ZNF385D: variants seen among roughly 807,000 people sequenced by gnomAD.
ZNF385D encodes the protein zinc finger protein 659.
Under a neutral mutation model 35.8 loss-of-function variants are expected in ZNF385D, and 15 were observed. That is an observed-to-expected ratio of 0.42 (90% confidence interval 0.28 to 0.64). The LOEUF is 0.64. Among genes scored for constraint, ZNF385D ranks in the 30% least tolerant of loss-of-function variants. The probability of loss-of-function intolerance (pLI) is 0.23; values close to 1 mark genes in which losing one functional copy is unlikely to be tolerated. For synonymous variants in ZNF385D, 212 were observed against 186.8 expected (o/e 1.13, Z -1.10); for missense variants, 474 against 494.6 (o/e 0.96, Z 0.39).
chr3:22,045,424 G>A (rs968280120), intron 3 of ZNF385D, among the ~76,000 whole-genome samples: 5 of 152,148 alleles, frequency 3.3e-5, no homozygotes, highest in Non-Finnish European at 7.4e-5. Flanking sequence ...CTGAAGAAGA[G>A]AGGCTGGTCT....
chr3:22,192,378 C>G (rs1204758043), intron 2 of ZNF385D, among the ~76,000 whole-genome samples: 3 of 152,160 alleles, frequency 2.0e-5, no homozygotes, highest in African/African-American at 7.2e-5. Context: ...CTGAACCTCA[C>G]CTCTTGGTAT....
chr3:21,536,979 G>A (rs2062049498), intron 3 of ZNF385D, among the ~76,000 whole-genome samples: 1 of 151,968 alleles, frequency 6.6e-6, no homozygotes. Context: ...CATGACTACA[G>A]TAAGGTTAAT....
intron 3 of ZNF385D, among the ~76,000 whole-genome samples, chr3:21,923,408 T>C (rs149051345): frequency 6.6e-6 from 1 of 152,190 alleles, no homozygotes; most frequent in Non-Finnish European, 1.5e-5. Context: ...ACACTGTTGA[T>C]AGAAATGTAA....
rs185335360 is a variant in ZNF385D, at chr3:21,468,000, T to C, written c.440-30797A>G. 2.6e-4 allele frequency among the ~76,000 whole-genome samples: 40 copies of C among 152,178 alleles called. 1 individual carries two copies. Among genetic ancestry groups the C allele is most frequent in the Admixed American group, 1.6e-3 (24 of 15,288 alleles). On this transcript the variant is annotated intron_variant, in intron 4 of 7. Coordinates refer to ENST00000281523, the MANE Select transcript of ZNF385D (RefSeq NM_024697.3). ...TACGGGAATGCAAAATGGTAAAATA[T>C]CTTTGAAAAAAAGATTGGCAGTGTT...
intron 3 of ZNF385D, among the ~76,000 whole-genome samples, chr3:21,838,163 G>T (rs1437899808): frequency 6.6e-6 from 1 of 152,062 alleles, no homozygotes; most frequent in Admixed American, 6.6e-5. Context: ...AACAGGTATT[G>T]TTACAAAATT....
At chr3:21,491,799 C>T (rs1705444126) in intron 4 of ZNF385D, among the ~76,000 whole-genome samples, 2 of 152,144 alleles carry the variant, frequency 1.3e-5, no homozygotes, top group Non-Finnish European at 2.9e-5. Flanking sequence ...TTGCTAAACA[C>T]TACGTAATAG....
At chr3:22,267,257 G>C (rs1248096496) in intron 2 of ZNF385D, among the ~76,000 whole-genome samples, 3 of 151,846 alleles carry the variant, frequency 2.0e-5, no homozygotes, top group South Asian at 2.1e-4. Context: ...AACATACAGA[G>C]TATAAACCAA....
chr3:22,333,994 C>T (rs1404631192), intron 2 of ZNF385D, among the ~76,000 whole-genome samples: 1 of 152,208 alleles, frequency 6.6e-6, no homozygotes, highest in Non-Finnish European at 1.5e-5. Flanking sequence ...TAGTTACATT[C>T]AGTGGGAGAA....
chr3:21,502,413 G>A (rs233168), intron 4 of ZNF385D, among the ~76,000 whole-genome samples: 118,573 of 152,104 alleles, frequency 0.78, 46,347 homozygotes, highest in East Asian at 0.87. Flanking sequence ...TTCCCTCCCT[G>A]CAGGATACAT....
intron 3 of ZNF385D, among the ~76,000 whole-genome samples, chr3:21,889,941 G>T (rs1201331780): frequency 6.6e-6 from 1 of 151,910 alleles, no homozygotes; most frequent in African/African-American, 2.4e-5. Flanking sequence ...GCATCTCTGT[G>T]TGTGCCTGTG....
chr3:21,464,137 GGTTTT>G (rs1414122049), intron 4 of ZNF385D, among the ~76,000 whole-genome samples: 1 of 152,066 alleles, frequency 6.6e-6, no homozygotes, highest in South Asian at 2.1e-4. Context: ...ATATTCTCAA[GGTTTT>G]TGATAAAGCA....
chr3:21,666,275 G>A (rs904119026), intron 1 of ZNF385D, among the ~76,000 whole-genome samples: 2 of 152,158 alleles, frequency 1.3e-5, no homozygotes, highest in Admixed American at 1.3e-4. Context: ...CGGAGGATCT[G>A]CTAACAAGGT....
At chr3:22,131,495 T>G (rs770637554) in intron 3 of ZNF385D, among the ~76,000 whole-genome samples, 3 of 152,150 alleles carry the variant, frequency 2.0e-5, no homozygotes, top group African/African-American at 4.8e-5. Flanking sequence ...GATAAAAGAA[T>G]AGTGTATTTT....
intron 2 of ZNF385D, among the ~76,000 whole-genome samples, chr3:22,317,802 T>C (rs1203720044): frequency 6.6e-6 from 1 of 152,186 alleles, no homozygotes; most frequent in Non-Finnish European, 1.5e-5. Context: ...GACTCACTCA[T>C]GTAATCCCAG....
intron 1 of ZNF385D, among the ~76,000 whole-genome samples, chr3:21,696,691 C>T (rs998651808): frequency 2.0e-5 from 3 of 152,224 alleles, no homozygotes; most frequent in African/African-American, 7.2e-5. Flanking sequence ...CATCAAGCTT[C>T]TACAATGCAT....
At chr3:22,226,013 C>T (rs201885991) in intron 2 of ZNF385D, among the ~76,000 whole-genome samples, 1 of 152,152 alleles carries the variant, frequency 6.6e-6, no homozygotes, top group Admixed American at 6.5e-5. Flanking sequence ...GAATTGAAAA[C>T]CCCACCAGCT....
chr3:21,681,115 C>A (rs2066885474), intron 1 of ZNF385D, among the ~76,000 whole-genome samples: 1 of 151,846 alleles, frequency 6.6e-6, no homozygotes, highest in South Asian at 2.1e-4. Context: ...CTGAGTGTAA[C>A]AGAATTGTTT....
chr3:22,181,372 T>C (rs1333252779), intron 2 of ZNF385D, among the ~76,000 whole-genome samples: 1 of 151,980 alleles, frequency 6.6e-6, no homozygotes, highest in Admixed American at 6.6e-5. Context: ...TCCTGGAGGG[T>C]AGAACCTGTA....
chr3:21,989,182 C>G (rs948526299), intron 3 of ZNF385D, among the ~76,000 whole-genome samples: 1 of 152,158 alleles, frequency 6.6e-6, no homozygotes, highest in Admixed American at 6.5e-5. Flanking sequence ...TCCTCCGACC[C>G]CATCTCCCTC....
Sources: allele counts gnomAD v4.1 joint callset (sites outside exome capture counted in the v4.1 genomes callset), GRCh38; gene constraint gnomAD v4.1.1; transcripts MANE v1.5; gene names NCBI Gene and HGNC (gene_info 2026-07-23, HGNC 2026-07-21).